The following DGKH variants were observed in gnomAD, a reference collection of about 807,000 sequenced individuals.
The protein encoded by DGKH is DAG kinase eta.
In DGKH, 90 loss-of-function variants were observed where a neutral mutation model predicts 159.3. The observed-to-expected ratio is 0.57, with a 90% confidence interval of 0.48 to 0.67. DGKH has a LOEUF of 0.67. Among genes scored for constraint, DGKH ranks in the 30% least tolerant of loss-of-function variants. DGKH has a pLI of 0.00. For missense variants in DGKH, 1,181 were observed against 1,506.1 expected (o/e 0.78, Z 3.57); for synonymous variants, 536 against 553.8 (o/e 0.97, Z 0.45).
chr13:42,145,756 C>T (rs775998019), intron 3 of DGKH, among the ~76,000 whole-genome samples: 6 of 152,148 alleles, frequency 3.9e-5, no homozygotes, highest in Non-Finnish European at 8.8e-5. Context: ...CTTTGACATA[C>T]TTCATTAATG....
At chr13:42,188,249 A>G (rs992172068) in intron 14 of DGKH, among the ~76,000 whole-genome samples, 3 of 152,192 alleles carry the variant, frequency 2.0e-5, no homozygotes, top group African/African-American at 7.2e-5. Flanking sequence ...GGGACTGGAA[A>G]TTTTATGGAG....
upstream of DGKH, among the ~76,000 whole-genome samples, chr13:42,047,483 C>T (rs977957177): frequency 1.3e-5 from 2 of 152,320 alleles, no homozygotes; most frequent in African/African-American, 4.8e-5. Context: ...GACTTTTTGT[C>T]CTATTTAAAA....
downstream of DGKH, among the ~76,000 whole-genome samples, chr13:42,244,773 G>A (rs769604163): frequency 2.7e-5 from 4 of 150,220 alleles, no homozygotes; most frequent in South Asian, 2.1e-4. Flanking sequence ...GCGTAGTGGC[G>A]GGCGCCTGTA....
chr13:42,256,035 T>C, intron 30 of DGKH: 1 of 1,505,014 alleles, frequency 6.6e-7, no homozygotes. Context: ...ATTCGTTTTC[T>C]GGGTTCTGGC....
chr13:42,049,120 A>G (rs868812977), intron 1 of DGKH, among the ~76,000 whole-genome samples, 155 bp downstream of exon 1: 17 of 28,244 alleles, frequency 6.0e-4, no homozygotes, highest in African/African-American at 1.7e-3. Flanking sequence ...AAGGCGGGGA[A>G]GGCGGGGAAG....
At chr13:42,141,654 T>C (rs1406249139) in intron 3 of DGKH, among the ~76,000 whole-genome samples, 4 of 152,226 alleles carry the variant, frequency 2.6e-5, no homozygotes, top group African/African-American at 9.6e-5. Context: ...TGGCCAGTAT[T>C]GATGAGCATT....
At chr13:42,164,016 A>C (rs916015912) in intron 7 of DGKH, among the ~76,000 whole-genome samples, 1 of 152,130 alleles carries the variant, frequency 6.6e-6, no homozygotes, top group African/African-American at 2.4e-5. Flanking sequence ...TAAGTCTTTA[A>C]TCCATCTTGA....
intron 30 of DGKH, among the ~76,000 whole-genome samples, chr13:42,252,749 C>T (rs950440137): frequency 1.3e-5 from 2 of 151,766 alleles, no homozygotes; most frequent in Non-Finnish European, 2.9e-5. Context: ...ATGCATCCTA[C>T]AACTTTTTTT....
At chr13:42,164,687 A>G (rs1320852529) in intron 7 of DGKH, among the ~76,000 whole-genome samples, 1 of 152,190 alleles carries the variant, frequency 6.6e-6, no homozygotes, top group Non-Finnish European at 1.5e-5. Context: ...TTGCATGACC[A>G]TGAAACTCAT....
intron 1 of DGKH, among the ~76,000 whole-genome samples, chr13:42,052,108 GGTT>G (rs1881367682): frequency 6.6e-6 from 1 of 152,106 alleles, no homozygotes; most frequent in South Asian, 2.1e-4. Context: ...AGTAAATATG[GGTT>G]GTTTTAGGAC....
At chr13:42,163,070 T>A (rs1228512068) in intron 7 of DGKH, among the ~76,000 whole-genome samples, 1 of 143,556 alleles carries the variant, frequency 7.0e-6, no homozygotes, top group Non-Finnish European at 1.5e-5. Flanking sequence ...TGTCCACGTG[T>A]TCTCATTGTT....
chr13:42,170,165 T>C (rs1956411222), intron 11 of DGKH, among the ~76,000 whole-genome samples: 2 of 152,264 alleles, frequency 1.3e-5, no homozygotes, highest in Non-Finnish European at 2.9e-5. Flanking sequence ...ATTTAAATGC[T>C]GTCTTTGTTG....
Position 42,051,646 on chromosome 13 carries a change from CTTTTTTTTTTTTTTTTTT to C in DGKH, c.192+2694_192+2711del, listed in dbSNP as rs56413015. The stretch of plus-strand genomic sequence containing the variant: ...GGCCCTAAGATTAGCTCAAAGCCAT[CTTTTTTTTTTTTTTTTTT>C]TTTTTTTTTTTTGAGATGGAGTTTC... On this transcript the variant is annotated intron_variant, in intron 1 of 29. Transcript: ENST00000337343. Among the ~76,000 whole-genome samples, 29 of 50,182 alleles carry C rather than the reference CTTTTTTTTTTTTTTTTTT, an allele frequency of 5.8e-4. 2 individuals are homozygous for C. The highest frequency in any genetic ancestry group is 2.0e-3 in the African/African-American group (27 of 13,222). 32.9% of individuals were successfully genotyped at this position (50,182 alleles called of 152,430 possible).
chr13:42,158,598 A>G (rs1193151088), intron 5 of DGKH, among the ~76,000 whole-genome samples: 2 of 151,980 alleles, frequency 1.3e-5, no homozygotes, highest in African/African-American at 4.8e-5. Flanking sequence ...GGGGAGATTT[A>G]GTGAAGCCTG....
chr13:42,081,912 C>G (rs970745172), intron 1 of DGKH, among the ~76,000 whole-genome samples: 2 of 152,158 alleles, frequency 1.3e-5, no homozygotes, highest in Non-Finnish European at 2.9e-5. Flanking sequence ...TCTCAGTGGA[C>G]AGAGTTACAT....
intron 21 of DGKH, among the ~76,000 whole-genome samples, 177 bp from the exon 22 acceptor site, chr13:42,208,782 G>C (rs1957568185): frequency 6.7e-6 from 1 of 150,026 alleles, no homozygotes; most frequent in South Asian, 2.1e-4. Context: ...TTTAAAGTTA[G>C]GTTTATTGGA....
chr13:42,069,710 T>C lies in DGKH; in HGVS notation c.192+20745T>C, dbSNP rs1408856779. ...GGTTCATAGTAACAGTTAACTTCAT[T>C]CTCTCTCCAAACTAAGTTATCTAAA... On this transcript the variant is annotated intron_variant, in intron 1 of 29. Coordinates refer to ENST00000337343, the MANE Select transcript of DGKH (RefSeq NM_178009.5). The C allele has an allele frequency of 3.5e-6, 4 of 1,134,360 alleles. No homozygotes were observed. The African/African-American group carries it at 4.7e-5, about 13-fold the overall frequency. 70.3% of individuals were successfully genotyped at this position (1,134,360 alleles called of 1,614,324 possible). A position where few individuals can be genotyped will look rare whatever the true frequency, so the allele number is the denominator to read the frequency against.
intron 28 of DGKH, among the ~76,000 whole-genome samples, 180 bp downstream of exon 28, chr13:42,219,974 T>C (rs1019273748): frequency 6.6e-6 from 1 of 152,196 alleles, no homozygotes; most frequent in African/African-American, 2.4e-5. Flanking sequence ...AATTTCATGC[T>C]TTATGAATTT....
At chr13:42,143,989 G>A (rs1955650628) in intron 3 of DGKH, among the ~76,000 whole-genome samples, 1 of 152,008 alleles carries the variant, frequency 6.6e-6, no homozygotes. Context: ...CTAGCAGAAG[G>A]CAAGAAATAA....
Sources: allele counts gnomAD v4.1 joint callset (sites outside exome capture counted in the v4.1 genomes callset), GRCh38; gene constraint gnomAD v4.1.1; transcripts MANE v1.5; gene names NCBI Gene and HGNC (gene_info 2026-07-23, HGNC 2026-07-21).